The following SLC22A25 variants were observed in gnomAD, a reference collection of about 807,000 sequenced individuals.
SLC22A25 encodes MGI:2442751, MGI:2385316, MGI:3042283, MGI:3645714, MGI:3605624, MGI:2442750.
In SLC22A25, 44 loss-of-function variants were observed where a neutral mutation model predicts 45.9. The ratio of observed to expected loss-of-function variants is 0.96; its 90% CI spans 0.75 to 1.23. The LOEUF (loss-of-function observed/expected upper bound fraction) is 1.23, where lower values mean the gene tolerates loss of function less well. Among genes scored for constraint, SLC22A25 ranks in the 50% most tolerant of loss-of-function variants. The probability of loss-of-function intolerance (pLI) is 0.00; values close to 1 mark genes in which losing one functional copy is unlikely to be tolerated. For synonymous variants in SLC22A25, 283 were observed against 238.6 expected (o/e 1.19, Z -1.72); for missense variants, 800 against 666.4 (o/e 1.20, Z -2.21).
rs139653525 is a variant in SLC22A25, at chr11:63,240,592, C to A, written c.-995-1457G>T. 8.5e-4 allele frequency among the ~76,000 whole-genome samples: 130 copies of A among 152,142 alleles called. 3 individuals carry two copies. The East Asian group carries it at 0.024, about 28-fold the overall frequency. ...TAACACTTAAAATATAAACATGTTG[C>A]ACAGCTGTACAAGAATTTTTTTATA... On this transcript the variant is annotated intron_variant, in intron 1 of 11. Coordinates refer to ENST00000306494, the MANE Select transcript of SLC22A25 (RefSeq NM_199352.6).
At chr11:63,166,636 C>T in intron 9 of SLC22A25, 2 of 1,008,948 alleles carry the variant, frequency 2.0e-6, no homozygotes, top group Non-Finnish European at 2.4e-6. Flanking sequence ...TGATGTCAGT[C>T]AAACTCACAG....
chr11:63,228,436 A>C, intron 5 of SLC22A25, 25 bp downstream of exon 5: 3 of 1,497,374 alleles, frequency 2.0e-6, no homozygotes, highest in Non-Finnish European at 2.8e-6. Flanking sequence ...ACCCTTGAAG[A>C]GAGCTATGCT....
At chr11:63,190,107 G>A (rs2088742421) in intron 7 of SLC22A25, among the ~76,000 whole-genome samples, 1 of 152,222 alleles carries the variant, frequency 6.6e-6, no homozygotes, top group East Asian at 1.9e-4. Flanking sequence ...GCTAGATTGG[G>A]GAAGTTCTCC....
intron 9 of SLC22A25, among the ~76,000 whole-genome samples, chr11:63,173,953 C>G (rs1463409867): frequency 2.7e-5 from 4 of 150,120 alleles, no homozygotes; most frequent in Non-Finnish European, 5.9e-5. Flanking sequence ...GCAGAACGTG[C>G]CTTTTTGTTA....
chr11:63,190,926 AC>A (rs2088785101), intron 7 of SLC22A25, among the ~76,000 whole-genome samples: 1 of 152,086 alleles, frequency 6.6e-6, no homozygotes, highest in African/African-American at 2.4e-5. Flanking sequence ...TCAGAGGAGT[AC>A]CCAGCCGTGT....
chr11:63,160,155 T>G lies in SLC22A25; in HGVS notation c.*3669A>C, dbSNP rs1205398089. Among the ~76,000 whole-genome samples the G allele has an allele frequency of 6.6e-6, 1 of 152,162 alleles. No homozygotes were observed. Among genetic ancestry groups the G allele is most frequent in the African/African-American group, 2.4e-5 (1 of 41,434 alleles). On this transcript the variant is annotated 3_prime_UTR_variant, in exon 12 of 12. Coordinates refer to ENST00000306494, the MANE Select transcript of SLC22A25 (RefSeq NM_199352.6). ...AGCCTGCTGCAGAAATTTGCATAAG[T>G]AATGAGGAACCAAAGGTTAATCCCT...
intron 3 of SLC22A25, among the ~76,000 whole-genome samples, 65 bp from the exon 4 acceptor site, chr11:63,230,161 A>G (rs2090040757): frequency 6.6e-6 from 1 of 152,242 alleles, no homozygotes; most frequent in Non-Finnish European, 1.5e-5. Flanking sequence ...AAGGATTAAT[A>G]AACACAATCT....
Position 63,241,778 on chromosome 11 carries a change from A to G in SLC22A25, c.-996+1656T>C, listed in dbSNP as rs1243270289. On this transcript the variant is annotated intron_variant, in intron 1 of 11. Coordinates refer to ENST00000306494, the MANE Select transcript of SLC22A25 (RefSeq NM_199352.6). Reference sequence around the variant, plus strand: ...GTCATCTGATCACAACAGACACCCAAGCACCTGAGGGTATGCACTGAGGTG... The same window carrying G: ...GTCATCTGATCACAACAGACACCCAGGCACCTGAGGGTATGCACTGAGGTG... Among the ~76,000 whole-genome samples the G allele has an allele frequency of 2.0e-5, 3 of 152,304 alleles. No individual in the cohort carries two copies. In the East Asian group the frequency reaches 5.8e-4, roughly 29 times the overall value.
At chr11:63,217,125 A>G (rs1192238448) in intron 7 of SLC22A25, among the ~76,000 whole-genome samples, 189 bp downstream of exon 7, 1 of 152,182 alleles carries the variant, frequency 6.6e-6, no homozygotes, top group Non-Finnish European at 1.5e-5. Context: ...CTTATATTCA[A>G]ATTTAATTAA....
chr11:63,166,523 G>A (rs2087690741), intron 9 of SLC22A25: 3 of 1,164,834 alleles, frequency 2.6e-6, no homozygotes, highest in East Asian at 4.6e-5. Flanking sequence ...TAAAAGCAAT[G>A]GATTTTATTA....
At chr11:63,227,796 G>A (rs1262698686) in intron 5 of SLC22A25, among the ~76,000 whole-genome samples, 1 of 152,218 alleles carries the variant, frequency 6.6e-6, no homozygotes, top group Non-Finnish European at 1.5e-5. Flanking sequence ...GCCTGTGATG[G>A]CAAGGCTTAC....
In SLC22A25 at chr11:63,182,697, C is replaced by T. The variant is rs368283698; in HGVS notation, c.954+997G>A. 9.9e-5 allele frequency among the ~76,000 whole-genome samples: 15 copies of T among 152,052 alleles called. No homozygotes were observed. In the East Asian group the frequency reaches 2.9e-3, roughly 29 times the overall value. On this transcript the variant is annotated intron_variant, in intron 8 of 11. Coordinates refer to ENST00000306494, the MANE Select transcript of SLC22A25 (RefSeq NM_199352.6). Reference sequence around the variant, plus strand: ...CCTGCCACCTTCTGTTGAACGTTAACTCACAGGAAGATTTTCAGGCTTCTT... The same window carrying T: ...CCTGCCACCTTCTGTTGAACGTTAATTCACAGGAAGATTTTCAGGCTTCTT...
At chr11:63,193,447 A>G (rs1192194616) in intron 7 of SLC22A25, among the ~76,000 whole-genome samples, 3 of 152,204 alleles carry the variant, frequency 2.0e-5, no homozygotes, top group Non-Finnish European at 4.4e-5. Flanking sequence ...CAGAGGAAGG[A>G]TCAGGAAGCA....
intron 4 of SLC22A25, 32 bp from the exon 5 acceptor site, chr11:63,228,596 T>C: frequency 1.3e-6 from 2 of 1,491,774 alleles, no homozygotes; most frequent in Non-Finnish European, 1.9e-6. Flanking sequence ...ATATCAATGC[T>C]TATAGCCCCT....
At chr11:63,224,025 G>C (rs1480178818) in intron 5 of SLC22A25, among the ~76,000 whole-genome samples, 7 of 151,952 alleles carry the variant, frequency 4.6e-5, no homozygotes, top group African/African-American at 9.7e-5. Context: ...TTTTCTGTCT[G>C]GAAGATCTGT....
chr11:63,182,061 G>A (rs2088346203), intron 8 of SLC22A25, among the ~76,000 whole-genome samples: 1 of 152,062 alleles, frequency 6.6e-6, no homozygotes, highest in Admixed American at 6.6e-5. Flanking sequence ...CCTAGAGTAG[G>A]TGTGTTAAGC....
chr11:63,164,672 A>G, intron 10 of SLC22A25, 38 bp from the exon 11 acceptor site: 1 of 1,523,238 alleles, frequency 6.6e-7, no homozygotes, highest in Non-Finnish European at 9.1e-7. Context: ...AGGAAATCTG[A>G]GCTGAAGGAA....
chr11:63,181,364 G>A (rs551380697), intron 8 of SLC22A25, among the ~76,000 whole-genome samples: 1 of 151,586 alleles, frequency 6.6e-6, no homozygotes, highest in East Asian at 1.9e-4. Context: ...TTAGCATTAG[G>A]TATATCTCCT....
At chr11:63,233,487 T>G (rs1325677169) in intron 3 of SLC22A25, among the ~76,000 whole-genome samples, 1 of 152,204 alleles carries the variant, frequency 6.6e-6, no homozygotes. Context: ...TGATATCCCC[T>G]TTGTCATTTT....
Sources: allele counts gnomAD v4.1 joint callset (sites outside exome capture counted in the v4.1 genomes callset), GRCh38; gene constraint gnomAD v4.1.1; transcripts MANE v1.5; gene names NCBI Gene and HGNC (gene_info 2026-07-23, HGNC 2026-07-21).